NCK1: variants seen among roughly 807,000 people sequenced by gnomAD.
NCK1 encodes NCK adaptor protein 1, also known as SH2/SH3 adapter protein NCK1.
In NCK1, 19 loss-of-function variants were observed where a neutral mutation model predicts 36.6. The ratio of observed to expected loss-of-function variants is 0.52; its 90% CI spans 0.36 to 0.76. NCK1 has a LOEUF of 0.76. Ranked by LOEUF, NCK1 falls within the 30% of genes least tolerant of loss-of-function variation. The pLI is 0.00. For synonymous variants in NCK1, 165 were observed against 156.0 expected (o/e 1.06, Z -0.43); for missense variants, 358 against 445.6 (o/e 0.80, Z 1.77).
At chr3:136,891,974 A>C (rs985969611) in intron 1 of NCK1, among the ~76,000 whole-genome samples, 1 of 152,154 alleles carries the variant, frequency 6.6e-6, no homozygotes, top group African/African-American at 2.4e-5. Context: ...TTGCAATCTC[A>C]TCCTCCTGGG....
Position 136,945,629 on chromosome 3 carries a change from T to C in NCK1, c.273T>C (p.Ser91=). ...KRKPSVPDSA[S]PADDSFVDPG... ...AACCTAGTGTGCCAGATTCTGCATC[T>C]CCTGCTGATGATAGTTTTGTTGACC... The change falls in exon 3 of 4, where the codon TCT becomes TCC. Residue 91 remains serine (S), a synonymous_variant. Coordinates refer to ENST00000481752, the MANE Select transcript of NCK1 (RefSeq NM_001291999.2). 1 of 1,613,926 alleles carries C rather than the reference T, an allele frequency of 6.2e-7. No individual in the cohort carries two copies. Among genetic ancestry groups the C allele is most frequent in the Non-Finnish European group, 8.5e-7 (1 of 1,179,848 alleles).
rs543969152 is a variant in NCK1, at chr3:136,951,606, A to G, written c.*3153A>G. 4.3e-4 allele frequency among the ~76,000 whole-genome samples: 66 copies of G among 152,342 alleles called. No homozygotes were observed. The highest frequency in any genetic ancestry group is 1.4e-3 in the African/African-American group (57 of 41,578). On this transcript the variant is annotated 3_prime_UTR_variant, in exon 4 of 4. Coordinates refer to ENST00000481752, the MANE Select transcript of NCK1 (RefSeq NM_001291999.2). The stretch of plus-strand genomic sequence containing the variant: ...AAAGTCTTCTTTCAAGTCAAAATAT[A>G]GAGACGAATCTCTGAAACGTTTTAT...
chr3:136,902,841 C>G (rs1349761622), intron 1 of NCK1, among the ~76,000 whole-genome samples: 1 of 152,180 alleles, frequency 6.6e-6, no homozygotes, highest in Non-Finnish European at 1.5e-5. Context: ...CTTAGTTCTG[C>G]TAAATAAATT....
chr3:136,903,613 T>C (rs1939604497), intron 1 of NCK1, among the ~76,000 whole-genome samples: 2 of 152,036 alleles, frequency 1.3e-5, no homozygotes, highest in South Asian at 4.1e-4. Flanking sequence ...TCAGTGGAGA[T>C]GGGGTTTCAC....
At chr3:136,907,099 G>A (rs1467562579) in intron 1 of NCK1, among the ~76,000 whole-genome samples, 1 of 152,116 alleles carries the variant, frequency 6.6e-6, no homozygotes, top group Non-Finnish European at 1.5e-5. Flanking sequence ...GCATTCATAG[G>A]CAGGTGGCTT....
intron 2 of NCK1, among the ~76,000 whole-genome samples, chr3:136,932,480 TAAA>T (rs1200007250): frequency 6.6e-6 from 1 of 152,136 alleles, no homozygotes; most frequent in Non-Finnish European, 1.5e-5. Context: ...AATAAAACAA[TAAA>T]AAATAATTTA....
chr3:136,873,617 T>G (rs1043217845), intron 1 of NCK1, among the ~76,000 whole-genome samples: 17 of 152,234 alleles, frequency 1.1e-4, no homozygotes, highest in African/African-American at 2.9e-4. Context: ...AATAATATGG[T>G]TTGGCTGTGT....
intron 1 of NCK1, among the ~76,000 whole-genome samples, chr3:136,890,672 A>G (rs1028438077): frequency 6.6e-6 from 1 of 152,216 alleles, no homozygotes; most frequent in Non-Finnish European, 1.5e-5. Context: ...CCTTATGCCT[A>G]TTACGAGTAA....
intron 2 of NCK1, among the ~76,000 whole-genome samples, chr3:136,932,877 T>G (rs933224087): frequency 6.6e-6 from 1 of 152,220 alleles, no homozygotes; most frequent in Non-Finnish European, 1.5e-5. Context: ...AAACTTTCTT[T>G]GGCCCCATTC....
In NCK1 at chr3:136,894,371, T is replaced by C. The variant is rs547534666; in HGVS notation, c.-19+32018T>C. Among the ~76,000 whole-genome samples, 104 of 152,266 alleles carry C rather than the reference T, an allele frequency of 6.8e-4. 1 individual carries two copies. Among genetic ancestry groups the C allele is most frequent in the African/African-American group, 2.2e-3 (92 of 41,566 alleles). Reference sequence around the variant, plus strand: ...TGCATCTCAGGTAGTAGGGATATAATACCCTAGCCATTGGTTCAGTGCATA... The same window carrying C: ...TGCATCTCAGGTAGTAGGGATATAACACCCTAGCCATTGGTTCAGTGCATA... On this transcript the variant is annotated intron_variant, in intron 1 of 3. Coordinates refer to ENST00000481752, the MANE Select transcript of NCK1 (RefSeq NM_001291999.2).
At chr3:136,894,642 G>A (rs184623032) in intron 1 of NCK1, among the ~76,000 whole-genome samples, 10 of 152,136 alleles carry the variant, frequency 6.6e-5, no homozygotes, top group Admixed American at 4.6e-4. Flanking sequence ...TTGAGGTACT[G>A]TAAATGTCCA....
Position 136,948,417 on chromosome 3 carries a change from A to G in NCK1, c.1098A>G (p.Gln366=), listed in dbSNP as rs1366244170. The G allele has an allele frequency of 1.2e-6, 2 of 1,612,902 alleles. No homozygotes were observed. Among genetic ancestry groups the G allele is most frequent in the Non-Finnish European group, 1.7e-6 (2 of 1,179,178 alleles). Reference sequence around the variant, plus strand: ...AGGCACCAATTTTTACAAGTGAACAAGGAGAAAAATTATATCTTGTCAAGC... The same window carrying G: ...AGGCACCAATTTTTACAAGTGAACAGGGAGAAAAATTATATCTTGTCAAGC... The part of the protein sequence containing the change: ...YKKAPIFTSE[Q]GEKLYLVKHL... Residue 366 remains glutamine (Q), a synonymous_variant, in exon 4 of 4, where the codon CAA becomes CAG. Transcript: ENST00000481752.
At chr3:136,922,035 G>C (rs1395641426) in intron 1 of NCK1, among the ~76,000 whole-genome samples, 1 of 152,090 alleles carries the variant, frequency 6.6e-6, no homozygotes, top group Non-Finnish European at 1.5e-5. Flanking sequence ...TGCCTGCCTC[G>C]GCCTCCCAAA....
chr3:136,899,371 G>T, intron 1 of NCK1: 2 of 272,282 alleles, frequency 7.3e-6, no homozygotes, highest in South Asian at 9.6e-5. Context: ...TTTGGATTTA[G>T]GTTCCTTCTC....
chr3:136,898,949 G>A (rs544582184), intron 1 of NCK1: 1 of 152,952 alleles, frequency 6.5e-6, no homozygotes, highest in East Asian at 1.9e-4. Context: ...TCATTTATAG[G>A]ACATGGTAAT....
chr3:136,878,560 T>C (rs1938838734), intron 1 of NCK1, among the ~76,000 whole-genome samples: 2 of 152,122 alleles, frequency 1.3e-5, no homozygotes. Flanking sequence ...GAAGTGACTC[T>C]AGGGTATGGA....
At chr3:136,898,150 C>T (rs1370116534) in intron 1 of NCK1, among the ~76,000 whole-genome samples, 3 of 152,118 alleles carry the variant, frequency 2.0e-5, no homozygotes, top group Non-Finnish European at 4.4e-5. Flanking sequence ...AATCCCAGCA[C>T]TTTGGGAGGC....
intron 1 of NCK1, among the ~76,000 whole-genome samples, chr3:136,879,125 GAAC>G (rs1938858898): frequency 1.2e-5 from 1 of 83,614 alleles, no homozygotes; most frequent in Non-Finnish European, 2.6e-5. Flanking sequence ...GGAACAATCA[GAAC>G]AACAAAAAAA....
At chr3:136,873,032 T>C (rs1229344871) in intron 1 of NCK1, among the ~76,000 whole-genome samples, 2 of 152,004 alleles carry the variant, frequency 1.3e-5, no homozygotes, top group Non-Finnish European at 2.9e-5. Flanking sequence ...CCACACAGAG[T>C]TCCTACTCGG....
Sources: gnomAD v4.1 joint callset for allele counts (sites outside exome capture counted in the v4.1 genomes callset) on GRCh38, gnomAD v4.1.1 for gene constraint, MANE v1.5 for transcripts, NCBI Gene and HGNC (gene_info 2026-07-23, HGNC 2026-07-21) for gene names.